Variants in OTUD7A observed in about 807,000 individuals in gnomAD.
The protein encoded by OTUD7A is OTU domain-containing protein 7A.
A neutral mutation model predicts 65.7 loss-of-function variants in OTUD7A; 12 were observed. The observed-to-expected ratio is 0.18, with a 90% CI of 0.12 to 0.30. The LOEUF is 0.30. OTUD7A is among the 10% of genes least tolerant of loss of function. The pLI, the probability that OTUD7A is intolerant of heterozygous loss-of-function variation, is 1.00. For synonymous variants in OTUD7A, 641 were observed against 586.3 expected, an observed-to-expected ratio of 1.09 and a Z score of -1.35; for missense variants, 1,148 against 1,304.8, an observed-to-expected ratio of 0.88 and a Z score of 1.85.
chr15:31,732,455 A>G (rs1894071370), intron 1 of OTUD7A, among the ~76,000 whole-genome samples: 2 of 152,220 alleles, frequency 1.3e-5, no homozygotes. Flanking sequence ...CAAGGAGAGG[A>G]TATTTGTAGT....
At position 31,765,416 on chromosome 15, in the gene OTUD7A, A is replaced by C. The variant is rs1895070527; in HGVS notation, c.-100+105091T>G. Among the ~76,000 whole-genome samples the C allele has an allele frequency of 2.2e-5, 3 of 138,468 alleles. No individual in the cohort carries two copies. The South Asian group carries it at 6.6e-4, about 30-fold the overall frequency. The allele number at this position is 138,468 out of a possible 152,430, so 90.8% of individuals were successfully genotyped here. A position where few individuals can be genotyped will look rare whatever the true frequency, so the allele number is the denominator to read the frequency against. ...CTCAGAACTTGCACATGTGCAGATA[A>C]ATTTTTTTTAAAAAACAGAATTACA... On this transcript the variant is annotated intron_variant, in intron 1 of 12. Transcript: ENST00000307050.
intron 1 of OTUD7A, among the ~76,000 whole-genome samples, chr15:31,760,308 T>C (rs114191112): frequency 6.6e-6 from 1 of 152,294 alleles, no homozygotes; most frequent in African/African-American, 2.4e-5. Flanking sequence ...ATCACTTCCT[T>C]CTTCTCTATA....
At chr15:31,758,240 G>GTC (rs960956342) in intron 1 of OTUD7A, among the ~76,000 whole-genome samples, 1 of 152,126 alleles carries the variant, frequency 6.6e-6, no homozygotes, top group Non-Finnish European at 1.5e-5. Flanking sequence ...CAACATGTCT[G>GTC]TCACACACAC....
intron 1 of OTUD7A, among the ~76,000 whole-genome samples, chr15:31,699,322 G>A (rs1893159348): frequency 6.6e-6 from 1 of 152,058 alleles, no homozygotes; most frequent in Non-Finnish European, 1.5e-5. Context: ...CTCGTGATCC[G>A]CCCGCCTCGG....
chr15:31,657,164 G>T (rs2141280072), intron 1 of OTUD7A, 87 bp from the exon 2 acceptor site: 1 of 152,762 alleles, frequency 6.5e-6, no homozygotes, highest in Non-Finnish European at 1.5e-5. Flanking sequence ...ACAGGAGGCT[G>T]GATCTTGGCC....
In OTUD7A at chr15:31,836,590, C is replaced by T. The variant is rs117279199; in HGVS notation, c.-100+33917G>A. Reference sequence around the variant, plus strand: ...CCTCATGAAGACAGACACAACAAACCTCCACAAAATATTAGCCACTAGAAT... The same window carrying T: ...CCTCATGAAGACAGACACAACAAACTTCCACAAAATATTAGCCACTAGAAT... On this transcript the variant is annotated intron_variant, in intron 1 of 12. Coordinates refer to ENST00000307050, the MANE Select transcript of OTUD7A (RefSeq NM_001382637.1). Among the ~76,000 whole-genome samples, 598 of 152,114 alleles carry T rather than the reference C, an allele frequency of 3.9e-3. 2 individuals are homozygous for T. Among genetic ancestry groups the T allele is most frequent in the Admixed American group, 0.013 (199 of 15,270 alleles).
intron 3 of OTUD7A, among the ~76,000 whole-genome samples, chr15:31,614,068 T>C (rs1279772912): frequency 6.6e-6 from 1 of 152,236 alleles, no homozygotes; most frequent in Non-Finnish European, 1.5e-5. Context: ...CCAAACATCA[T>C]ATGTTCTCAC....
At position 31,483,346 on chromosome 15, in the gene OTUD7A, CAGT is replaced by C; in HGVS notation, c.2747_2749del (p.Tyr916del). On this transcript the variant is annotated inframe_deletion, in exon 13 of 13. Transcript: ENST00000307050. ...CCGCCGCCGCAGCTCCTCGCGGTAG[CAGT>C]AGGAGCAGTAGTGCTCGGTCTCGGC... 1 of 1,251,542 alleles carries C rather than the reference CAGT, an allele frequency of 8.0e-7. No individual in the cohort carries two copies. Among genetic ancestry groups the C allele is most frequent in the Non-Finnish European group, 1.0e-6 (1 of 993,026 alleles). The allele number at this position is 1,251,542 out of a possible 1,614,324, so 77.5% of individuals were successfully genotyped here. A position where few individuals can be genotyped will look rare whatever the true frequency, so the allele number is the denominator to read the frequency against.
chr15:31,648,150 G>A (rs888265315), intron 3 of OTUD7A, among the ~76,000 whole-genome samples: 10 of 152,164 alleles, frequency 6.6e-5, no homozygotes, highest in African/African-American at 2.4e-4. Context: ...ATATGAAGAT[G>A]AGATGGAGCA....
At chr15:31,505,746 T>A (rs529054951) in intron 8 of OTUD7A, among the ~76,000 whole-genome samples, 43 of 74,186 alleles carry the variant, frequency 5.8e-4, no homozygotes, top group South Asian at 4.5e-3. Flanking sequence ...GAATTGAAGT[T>A]AATTTTTTTT....
chr15:31,617,488 A>G (rs1288081768), intron 3 of OTUD7A, among the ~76,000 whole-genome samples: 1 of 152,162 alleles, frequency 6.6e-6, no homozygotes, highest in Non-Finnish European at 1.5e-5. Context: ...CATGTCAAAA[A>G]AAAAAGAAAA....
At chr15:31,741,973 C>T (rs367873502) in intron 1 of OTUD7A, among the ~76,000 whole-genome samples, 2 of 151,988 alleles carry the variant, frequency 1.3e-5, no homozygotes, top group Admixed American at 6.6e-5. Context: ...ATGAACATAA[C>T]GGACACAGTC....
chr15:31,751,533 T>C (rs1894635427), intron 1 of OTUD7A, among the ~76,000 whole-genome samples: 1 of 152,164 alleles, frequency 6.6e-6, no homozygotes, highest in Non-Finnish European at 1.5e-5. Context: ...AAAAGAGAAC[T>C]ACCATTCAAT....
intron 5 of OTUD7A, among the ~76,000 whole-genome samples, chr15:31,544,235 T>C (rs1949418919): frequency 6.6e-6 from 1 of 151,592 alleles, no homozygotes; most frequent in Non-Finnish European, 1.5e-5. Context: ...ATAGCTAAAA[T>C]AGTATGGAGA....
intron 1 of OTUD7A, among the ~76,000 whole-genome samples, chr15:31,738,582 A>C (rs1894254845): frequency 6.6e-6 from 1 of 152,180 alleles, no homozygotes; most frequent in South Asian, 2.1e-4. Context: ...CTGCCATGAC[A>C]GTTTTCTGTG....
chr15:31,589,039 A>T (rs751858755), intron 3 of OTUD7A, among the ~76,000 whole-genome samples: 1 of 152,222 alleles, frequency 6.6e-6, no homozygotes, highest in Non-Finnish European at 1.5e-5. Flanking sequence ...AGACTGGGAC[A>T]TGAGGCCTCG....
At chr15:31,653,171 C>T (rs1891889501) in intron 3 of OTUD7A, among the ~76,000 whole-genome samples, 1 of 151,768 alleles carries the variant, frequency 6.6e-6, no homozygotes, top group South Asian at 2.1e-4. Flanking sequence ...ATTGCTTGAA[C>T]TGGGACCCAG....
At chr15:31,661,304 TTC>T (rs1892158672) in intron 1 of OTUD7A, among the ~76,000 whole-genome samples, 1 of 152,186 alleles carries the variant, frequency 6.6e-6, no homozygotes, top group Admixed American at 6.5e-5. Flanking sequence ...TATCAAATTC[TTC>T]AATGGTTCTT....
intron 3 of OTUD7A, among the ~76,000 whole-genome samples, chr15:31,647,189 C>T (rs1483906571): frequency 2.0e-5 from 3 of 151,010 alleles, no homozygotes; most frequent in Non-Finnish European, 4.4e-5. Flanking sequence ...CAAGGGCCAT[C>T]ACACCTTGTG....
Sources: gnomAD v4.1 joint callset for allele counts (sites outside exome capture counted in the v4.1 genomes callset) on GRCh38, gnomAD v4.1.1 for gene constraint, MANE v1.5 for transcripts, NCBI Gene and HGNC (gene_info 2026-07-23, HGNC 2026-07-21) for gene names.